LIN9: variants seen among roughly 807,000 people sequenced by gnomAD.
The protein encoded by LIN9 is protein lin-9 homolog.
LIN9 carries 18 observed loss-of-function variants against 78.0 expected under a neutral mutation model. That is an observed-to-expected ratio of 0.23 (90% CI 0.16 to 0.34). LIN9 has a LOEUF of 0.34. Among genes scored for constraint, LIN9 ranks in the 10% least tolerant of loss-of-function variants. The probability of loss-of-function intolerance (pLI) is 1.00; values close to 1 mark genes in which losing one functional copy is unlikely to be tolerated. For missense variants in LIN9, 451 were observed against 644.1 expected (o/e 0.70, Z 3.25); for synonymous variants, 192 against 215.2 (o/e 0.89, Z 0.94).
intron 8 of LIN9, among the ~76,000 whole-genome samples, chr1:226,266,848 C>T (rs1659950017): frequency 1.3e-5 from 2 of 151,444 alleles, no homozygotes; most frequent in Admixed American, 6.6e-5. Context: ...GGCGCGATCT[C>T]GGATCACTGC....
intron 8 of LIN9, among the ~76,000 whole-genome samples, chr1:226,267,318 ATATG>A (rs139272484): frequency 2.8e-5 from 4 of 140,900 alleles, no homozygotes; most frequent in East Asian, 2.1e-4. Flanking sequence ...TATTATGTAT[ATATG>A]TATGTATGTA....
rs1456725860 is a variant in LIN9, at chr1:226,301,946, A to G, written c.32-741T>C. 3.3e-5 allele frequency among the ~76,000 whole-genome samples: 5 copies of G among 152,254 alleles called. No homozygotes were observed. In the East Asian group the frequency reaches 7.7e-4, roughly 24 times the overall value. ...TCACTGGGTATGGGGGCACGTGCCT[A>G]AAGTGTCAGCTACTCAGGGGGCTGA... On this transcript the variant is annotated intron_variant, in intron 1 of 14. Transcript: ENST00000681046.
chr1:226,281,060 T>C (rs1661018707), intron 6 of LIN9, among the ~76,000 whole-genome samples: 1 of 152,200 alleles, frequency 6.6e-6, no homozygotes, highest in South Asian at 2.1e-4. Context: ...ATATGGTATA[T>C]ATGCACAATG....
At chr1:226,286,167 A>G (rs768339951) in intron 6 of LIN9, among the ~76,000 whole-genome samples, 166 bp downstream of exon 6, 6 of 152,144 alleles carry the variant, frequency 3.9e-5, no homozygotes, top group Admixed American at 6.5e-5. Flanking sequence ...TGCCCAGGCT[A>G]GAGTGCAGTG....
chr1:226,265,445 C>T lies in LIN9; in HGVS notation c.1038+88G>A, dbSNP rs1659842946. 2 of 690,256 alleles carry T rather than the reference C, an allele frequency of 2.9e-6. No homozygotes were observed. The highest frequency in any genetic ancestry group is 2.6e-5 in the Admixed American group (1 of 37,902). 42.8% of individuals were successfully genotyped at this position (690,256 alleles called of 1,614,324 possible). A position where few individuals can be genotyped will look rare whatever the true frequency, so the allele number is the denominator to read the frequency against. Reference sequence around the variant, plus strand: ...TAAAACCTACACGGTGATAAACCTACACGGCCCTAGAAAAATTTTCAACTT... The same window carrying T: ...TAAAACCTACACGGTGATAAACCTATACGGCCCTAGAAAAATTTTCAACTT... On this transcript the variant is annotated intron_variant, in intron 10 of 14. Coordinates refer to ENST00000681046, the MANE Select transcript of LIN9 (RefSeq NM_001366245.2). This position sits in a 1 kb window ranked among gnomAD's most constrained non-coding sequence, Gnocchi z 4.1.
chr1:226,235,054 T>G (rs1175027871), intron 12 of LIN9, among the ~76,000 whole-genome samples: 4 of 151,888 alleles, frequency 2.6e-5, no homozygotes. Flanking sequence ...GAACTGCTGC[T>G]GGGTGTGGTG....
In LIN9 at chr1:226,258,123, G is replaced by A. The variant is rs116938114; in HGVS notation, c.1039-7204C>T. On this transcript the variant is annotated intron_variant, in intron 10 of 14. Coordinates refer to ENST00000681046, the MANE Select transcript of LIN9 (RefSeq NM_001366245.2). Reference sequence around the variant, plus strand: ...TGCTTAAGTCCAGGAGGTTGAGGCTGTAGTGAGCCACCGCACTCCAGCCTA... The same window carrying A: ...TGCTTAAGTCCAGGAGGTTGAGGCTATAGTGAGCCACCGCACTCCAGCCTA... 4.1e-3 allele frequency among the ~76,000 whole-genome samples: 630 copies of A among 152,118 alleles called. 13 individuals carry two copies. Among genetic ancestry groups the A allele is most frequent in the Admixed American group, 0.029 (437 of 15,276 alleles).
At chr1:226,257,949 C>T (rs1477664193) in intron 10 of LIN9, among the ~76,000 whole-genome samples, 3 of 151,426 alleles carry the variant, frequency 2.0e-5, no homozygotes, top group Admixed American at 1.3e-4. Flanking sequence ...TTTGGGAGGC[C>T]GAGGTGGGTC....
intron 1 of LIN9, among the ~76,000 whole-genome samples, chr1:226,306,862 T>C (rs562487841): frequency 6.6e-6 from 1 of 152,282 alleles, no homozygotes; most frequent in South Asian, 2.1e-4. Context: ...ACTAATTCCA[T>C]AAAAATTATT....
At position 226,231,891 on chromosome 1, in the gene LIN9, ATATT is replaced by A. The variant is rs900513403; in HGVS notation, c.*606_*609del. Reference sequence around the variant, plus strand: ...CTTTTATATGTTATGATAAATTAAAATATTTATTATTATAAAATGATCTACAGAA... The same window carrying A: ...CTTTTATATGTTATGATAAATTAAAATATTATTATAAAATGATCTACAGAA... On this transcript the variant is annotated 3_prime_UTR_variant, in exon 15 of 15. Coordinates refer to ENST00000681046, the MANE Select transcript of LIN9 (RefSeq NM_001366245.2). The A allele has an allele frequency of 2.4e-5, 8 of 329,996 alleles. No individual in the cohort carries two copies. The highest frequency in any genetic ancestry group is 1.3e-4 in the African/African-American group (6 of 46,972). The allele number at this position is 329,996 out of a possible 1,614,324, so 20.4% of individuals were successfully genotyped here.
At chr1:226,246,436 C>A (rs1658480315) in intron 11 of LIN9, among the ~76,000 whole-genome samples, 1 of 152,062 alleles carries the variant, frequency 6.6e-6, no homozygotes, top group Admixed American at 6.6e-5. Flanking sequence ...TCCCATCCTG[C>A]CCTGGGTACT....
At chr1:226,233,036 T>C in intron 14 of LIN9, 60 bp downstream of exon 14, 5 of 1,000,306 alleles carry the variant, frequency 5.0e-6, no homozygotes, top group Non-Finnish European at 7.5e-6. Context: ...TCTTAAAACC[T>C]GGACTGAAAA....
At chr1:226,256,568 T>C (rs1054120820) in intron 10 of LIN9, among the ~76,000 whole-genome samples, 1 of 150,470 alleles carries the variant, frequency 6.6e-6, no homozygotes, top group Non-Finnish European at 1.5e-5. Context: ...TATATATATA[T>C]ATTTTTTTGA....
upstream of LIN9, chr1:226,309,338 G>A (rs1019565294): frequency 1.0e-6 from 1 of 994,216 alleles, no homozygotes; most frequent in African/African-American, 1.7e-5. Context: ...AAGGGGGGCC[G>A]CGCCTCGCCC....
At chr1:226,293,375 T>C (rs949422379) in intron 4 of LIN9, among the ~76,000 whole-genome samples, 1 of 152,178 alleles carries the variant, frequency 6.6e-6, no homozygotes, top group African/African-American at 2.4e-5. Flanking sequence ...GACAGGACAG[T>C]GTCACAGTCA....
At chr1:226,278,823 C>CAAA (rs368835514) in intron 6 of LIN9, among the ~76,000 whole-genome samples, 2 of 129,780 alleles carry the variant, frequency 1.5e-5, no homozygotes, top group Admixed American at 7.9e-5. Flanking sequence ...AACTCCGTCT[C>CAAA]AAAAAAAAAA....
intron 10 of LIN9, among the ~76,000 whole-genome samples, chr1:226,256,977 G>A (rs965134206): frequency 6.7e-5 from 10 of 149,730 alleles, no homozygotes; most frequent in Admixed American, 6.6e-5. Context: ...TTTCTGAGAC[G>A]GAATCTTGCT....
At chr1:226,240,213 A>C (rs1436813890) in intron 11 of LIN9, among the ~76,000 whole-genome samples, 3 of 152,152 alleles carry the variant, frequency 2.0e-5, no homozygotes, top group Non-Finnish European at 1.5e-5. Flanking sequence ...TACTAAATAG[A>C]GCTGACTAAC....
intron 10 of LIN9, among the ~76,000 whole-genome samples, chr1:226,255,394 C>A (rs1167131331): frequency 2.0e-5 from 3 of 152,134 alleles, no homozygotes; most frequent in Non-Finnish European, 4.4e-5. Flanking sequence ...AAACCCAACC[C>A]CAGCCCACTC....
Sources: allele counts gnomAD v4.1 joint callset (sites outside exome capture counted in the v4.1 genomes callset), GRCh38; gene constraint gnomAD v4.1.1; non-coding constraint Gnocchi (gnomAD v3.1); transcripts MANE v1.5; gene names NCBI Gene and HGNC (gene_info 2026-07-23, HGNC 2026-07-21).